The following CPNE8 variants were observed in gnomAD, a reference collection of about 807,000 sequenced individuals.
The protein encoded by CPNE8 is copine 8, also known as copine-8.
Under a neutral mutation model 81.5 loss-of-function variants are expected in CPNE8, and 45 were observed. That is an observed-to-expected ratio of 0.55 (90% confidence interval 0.44 to 0.71). The LOEUF (loss-of-function observed/expected upper bound fraction) is 0.71, where lower values mean the gene tolerates loss of function less well. CPNE8 is among the 30% of genes least tolerant of loss of function. CPNE8 has a pLI of 0.00. For missense variants in CPNE8, 594 were observed against 672.1 expected (o/e 0.88, Z 1.28); for synonymous variants, 252 against 226.3 (o/e 1.11, Z -1.02).
At chr12:38,696,437 GTA>G (rs566562434) in intron 14 of CPNE8, among the ~76,000 whole-genome samples, 5 of 151,658 alleles carry the variant, frequency 3.3e-5, no homozygotes, top group Admixed American at 3.3e-4. Context: ...GACAGTGTTT[GTA>G]TTTCCTCTGT....
At chr12:38,779,648 C>A (rs1942004333) in intron 6 of CPNE8, among the ~76,000 whole-genome samples, 1 of 152,022 alleles carries the variant, frequency 6.6e-6, no homozygotes. Context: ...TATGCAAATC[C>A]TCTCCAGAAA....
intron 16 of CPNE8, among the ~76,000 whole-genome samples, chr12:38,682,761 A>T (rs781461349): frequency 6.6e-6 from 1 of 152,226 alleles, no homozygotes; most frequent in East Asian, 1.9e-4. Flanking sequence ...GCATGGAATG[A>T]TATCATAGAC....
chr12:38,662,763 A>C (rs1186743006), intron 19 of CPNE8, among the ~76,000 whole-genome samples: 1 of 152,170 alleles, frequency 6.6e-6, no homozygotes, highest in Non-Finnish European at 1.5e-5. Context: ...TAGAAACCAA[A>C]ACAGAAAGGC....
At chr12:38,784,312 A>T (rs1942123243) in intron 6 of CPNE8, among the ~76,000 whole-genome samples, 1 of 152,202 alleles carries the variant, frequency 6.6e-6, no homozygotes, top group South Asian at 2.1e-4. Flanking sequence ...GAAAACGGAC[A>T]TTCAGAGAAG....
chr12:38,863,019 G>GT (rs1302583633), intron 3 of CPNE8, among the ~76,000 whole-genome samples: 2 of 152,112 alleles, frequency 1.3e-5, no homozygotes, highest in African/African-American at 2.4e-5. Context: ...ACCAATGACA[G>GT]TTTTTTAATT....
intron 6 of CPNE8, among the ~76,000 whole-genome samples, chr12:38,794,280 A>G (rs1056169962): frequency 6.6e-6 from 1 of 152,202 alleles, no homozygotes; most frequent in Non-Finnish European, 1.5e-5. Context: ...GAATGGGAGA[A>G]AATATTTGCA....
At chr12:38,677,682 C>T in intron 16 of CPNE8, 128 bp from the exon 17 acceptor site, 1 of 616,468 alleles carries the variant, frequency 1.6e-6, no homozygotes, top group Non-Finnish European at 2.9e-6. Context: ...AGAGGTATAT[C>T]TTATGCAAAC....
chr12:38,905,643 A>G (rs1944560325), upstream of CPNE8: 3 of 1,503,328 alleles, frequency 2.0e-6, no homozygotes, highest in Non-Finnish European at 2.7e-6. Flanking sequence ...GAGGCAGAAG[A>G]AGGAGGCGGA....
At chr12:38,777,785 A>G (rs1394283833) in intron 6 of CPNE8, among the ~76,000 whole-genome samples, 1 of 152,186 alleles carries the variant, frequency 6.6e-6, no homozygotes, top group Non-Finnish European at 1.5e-5. Context: ...AGGGGTCTGC[A>G]ACCCCAGGGC....
At chr12:38,828,992 T>A (rs1378023676) in intron 6 of CPNE8, among the ~76,000 whole-genome samples, 1 of 152,204 alleles carries the variant, frequency 6.6e-6, no homozygotes, top group East Asian at 1.9e-4. Context: ...AAAATTATTA[T>A]GAAAATTTCA....
At chr12:38,844,155 A>G (rs1389695179) in intron 4 of CPNE8, among the ~76,000 whole-genome samples, 1 of 152,200 alleles carries the variant, frequency 6.6e-6, no homozygotes, top group African/African-American at 2.4e-5. Flanking sequence ...CATGATTATT[A>G]CCATTTTATT....
At chr12:38,745,796 C>A (rs927182552) in intron 10 of CPNE8, among the ~76,000 whole-genome samples, 1 of 152,196 alleles carries the variant, frequency 6.6e-6, no homozygotes, top group Admixed American at 6.5e-5. Flanking sequence ...TCTGCCTCAG[C>A]CTCTCAAAGT....
At chr12:38,877,028 T>G (rs1357181073) in intron 1 of CPNE8, among the ~76,000 whole-genome samples, 1 of 152,144 alleles carries the variant, frequency 6.6e-6, no homozygotes, top group South Asian at 2.1e-4. Flanking sequence ...TCAGAGAAAG[T>G]GAGTGAATGA....
At chr12:38,754,418 G>A (rs932473546) in intron 10 of CPNE8, among the ~76,000 whole-genome samples, 1 of 151,680 alleles carries the variant, frequency 6.6e-6, no homozygotes, top group Non-Finnish European at 1.5e-5. Context: ...TAGGCAGGTG[G>A]ATATATATTA....
chr12:38,676,233 T>A, intron 17 of CPNE8: 1 of 847,486 alleles, frequency 1.2e-6, no homozygotes, highest in South Asian at 5.4e-5. Flanking sequence ...TATTCAAAAT[T>A]GTTAATACAG....
intron 6 of CPNE8, among the ~76,000 whole-genome samples, chr12:38,827,646 A>C (rs1276578102): frequency 2.0e-5 from 3 of 152,228 alleles, no homozygotes; most frequent in Non-Finnish European, 4.4e-5. Flanking sequence ...GACATAAAAA[A>C]GTCTGAAATT....
At chr12:38,896,607 T>A (rs1183453459) in intron 1 of CPNE8, among the ~76,000 whole-genome samples, 4 of 152,106 alleles carry the variant, frequency 2.6e-5, no homozygotes, top group African/African-American at 9.7e-5. Context: ...GTTCTAAAAC[T>A]TGGTTATTAT....
At chr12:38,777,942 T>C (rs1941969056) in intron 6 of CPNE8, among the ~76,000 whole-genome samples, 1 of 152,122 alleles carries the variant, frequency 6.6e-6, no homozygotes, top group East Asian at 1.9e-4. Flanking sequence ...GTGAACCCTA[T>C]TGTGAACTGA....
chr12:38,783,659 C>G (rs954314753), intron 6 of CPNE8, among the ~76,000 whole-genome samples: 1 of 152,116 alleles, frequency 6.6e-6, no homozygotes, highest in Non-Finnish European at 1.5e-5. Flanking sequence ...CTTCAGGTGG[C>G]TCAGAACAAA....
Sources: gnomAD v4.1 joint callset for allele counts (sites outside exome capture counted in the v4.1 genomes callset) on GRCh38, gnomAD v4.1.1 for gene constraint, MANE v1.5 for transcripts, NCBI Gene and HGNC (gene_info 2026-07-23, HGNC 2026-07-21) for gene names.